Variants in RARB observed in about 807,000 individuals in gnomAD.
RARB encodes the protein HBV-activated protein.
A neutral mutation model predicts 51.9 loss-of-function variants in RARB; 17 were observed. The ratio of observed to expected loss-of-function variants is 0.33; its 90% CI spans 0.22 to 0.49. RARB has a LOEUF of 0.49. RARB is among the 20% of genes least tolerant of loss of function. The pLI is 0.99. For missense variants in RARB, 369 were observed against 550.8 expected (o/e 0.67, Z 3.30); for synonymous variants, 215 against 195.4 (o/e 1.10, Z -0.84).
At chr3:25,048,411 A>G (rs1048160852) in intron 2 of RARB, among the ~76,000 whole-genome samples, 2 of 152,150 alleles carry the variant, frequency 1.3e-5, no homozygotes, top group Non-Finnish European at 2.9e-5. Context: ...AGTACACACA[A>G]CTTTCCTATA....
chr3:24,962,616 G>T (rs1442862627), intron 2 of RARB, among the ~76,000 whole-genome samples: 2 of 152,132 alleles, frequency 1.3e-5, no homozygotes, highest in African/African-American at 4.8e-5. Context: ...TCAGATCAGT[G>T]GTGGCATTCG....
At chr3:25,430,719 A>G (rs1408880951) in intron 1 of RARB, among the ~76,000 whole-genome samples, 1 of 152,250 alleles carries the variant, frequency 6.6e-6, no homozygotes, top group Non-Finnish European at 1.5e-5. Context: ...TTAGCTAATC[A>G]AAGAAACTTG....
intron 2 of RARB, among the ~76,000 whole-genome samples, chr3:24,974,405 G>T (rs576051164): frequency 6.6e-6 from 1 of 152,068 alleles, no homozygotes; most frequent in African/African-American, 2.4e-5. Flanking sequence ...TTTTGAAAAG[G>T]AGCCCACCTG....
chr3:25,502,488 TCTTTCCTAACTGTACTCCTGCCCCTTCAC>T (rs1241565072), intron 3 of RARB, among the ~76,000 whole-genome samples: 5 of 152,208 alleles, frequency 3.3e-5, no homozygotes, highest in Admixed American at 2.0e-4. Context: ...CACCCAGATA[TCTTTCCTAACTGTACTCCTGCCCCTTCAC>T]CTTTCCTAAC....
At chr3:25,471,843 C>G (rs1695713417) in intron 2 of RARB, among the ~76,000 whole-genome samples, 2 of 152,128 alleles carry the variant, frequency 1.3e-5, no homozygotes, top group South Asian at 2.1e-4. Context: ...GTTAAGAGAG[C>G]TTTCCATATT....
chr3:25,511,684 G>T (rs912301608), intron 3 of RARB, among the ~76,000 whole-genome samples: 1 of 152,122 alleles, frequency 6.6e-6, no homozygotes, highest in African/African-American at 2.4e-5. Context: ...GTCTGCAGCT[G>T]TGGCCTGAGC....
intron 5 of RARB, among the ~76,000 whole-genome samples, chr3:25,418,526 G>A (rs1221112915): frequency 6.6e-6 from 1 of 151,964 alleles, no homozygotes. Context: ...ATAGAGCCAA[G>A]ACTTGAATCC....
intron 2 of RARB, among the ~76,000 whole-genome samples, chr3:25,055,372 T>C (rs1481810836): frequency 1.3e-5 from 2 of 152,162 alleles, no homozygotes; most frequent in Non-Finnish European, 2.9e-5. Context: ...TGAATAATTC[T>C]GCTGTCAACA....
At chr3:24,961,531 T>G (rs1367932658) in intron 2 of RARB, among the ~76,000 whole-genome samples, 2 of 151,600 alleles carry the variant, frequency 1.3e-5, no homozygotes, top group Non-Finnish European at 1.5e-5. Context: ...CTACTAATAA[T>G]GGTAATAACT....
intron 2 of RARB, among the ~76,000 whole-genome samples, chr3:24,931,157 T>A (rs1456577373): frequency 6.6e-6 from 1 of 152,128 alleles, no homozygotes; most frequent in Non-Finnish European, 1.5e-5. Flanking sequence ...CTATGTCTCG[T>A]TGAACTGAAT....
chr3:25,098,970 A>G (rs1238837174), intron 3 of RARB, among the ~76,000 whole-genome samples: 1 of 152,140 alleles, frequency 6.6e-6, no homozygotes, highest in East Asian at 1.9e-4. Context: ...GCCTCATGAC[A>G]TCCCTGTTTT....
At chr3:25,070,048 A>G (rs960554714) in intron 3 of RARB, among the ~76,000 whole-genome samples, 1 of 152,214 alleles carries the variant, frequency 6.6e-6, no homozygotes. Flanking sequence ...CTCTGAAACC[A>G]GTGGTGGAGA....
intron 4 of RARB, among the ~76,000 whole-genome samples, chr3:25,158,830 A>C (rs918967921): frequency 6.6e-6 from 1 of 152,216 alleles, no homozygotes; most frequent in African/African-American, 2.4e-5. Context: ...ACTGCTTCCC[A>C]GTAGAGGTTC....
intron 3 of RARB, among the ~76,000 whole-genome samples, chr3:25,537,302 G>T (rs1394008933): frequency 6.6e-6 from 1 of 152,222 alleles, no homozygotes; most frequent in Non-Finnish European, 1.5e-5. Flanking sequence ...TGAGTAATGT[G>T]AGCTTATGTT....
chr3:25,558,296 G>A (rs929391502), intron 3 of RARB, among the ~76,000 whole-genome samples: 10 of 152,026 alleles, frequency 6.6e-5, no homozygotes, highest in Non-Finnish European at 1.5e-4. Context: ...ATGTTCTCTC[G>A]AAAGTCACAA....
At chr3:25,582,394 A>G (rs1322025945) in intron 5 of RARB, among the ~76,000 whole-genome samples, 4 of 152,036 alleles carry the variant, frequency 2.6e-5, no homozygotes, top group African/African-American at 4.8e-5. Flanking sequence ...ATGCTGTGTC[A>G]TTCTGACAGC....
intron 5 of RARB, among the ~76,000 whole-genome samples, chr3:25,338,999 T>G (rs1369410991): frequency 6.6e-6 from 1 of 152,178 alleles, no homozygotes; most frequent in Non-Finnish European, 1.5e-5. Context: ...AATATTTGAT[T>G]ATCACCTCAC....
chr3:25,525,426 C>T (rs916930440), intron 3 of RARB, among the ~76,000 whole-genome samples: 11 of 152,078 alleles, frequency 7.2e-5, no homozygotes, highest in Admixed American at 7.2e-4. Context: ...AAAACAAGCT[C>T]CTTGAGGTCA....
intron 5 of RARB, among the ~76,000 whole-genome samples, chr3:25,375,909 A>T (rs1383467232): frequency 1.3e-5 from 2 of 152,134 alleles, no homozygotes; most frequent in Non-Finnish European, 2.9e-5. Context: ...TTTACTAGCT[A>T]TGTGGCCTTG....
Sources: gnomAD v4.1 joint callset for allele counts (sites outside exome capture counted in the v4.1 genomes callset) on GRCh38, gnomAD v4.1.1 for gene constraint, MANE v1.5 for transcripts, NCBI Gene and HGNC (gene_info 2026-07-23, HGNC 2026-07-21) for gene names.